CLYBL: variants seen among roughly 807,000 people sequenced by gnomAD.
CLYBL encodes the protein citramalyl-CoA lyase, mitochondrial.
In CLYBL, 31 loss-of-function variants were observed where a neutral mutation model predicts 38.9. That is an observed-to-expected ratio of 0.80 (90% confidence interval 0.60 to 1.08). The LOEUF is 1.08. CLYBL is among the 50% of genes least tolerant of loss of function. The pLI is 0.00. For missense variants in CLYBL, 434 were observed against 411.6 expected (o/e 1.05, Z -0.47); for synonymous variants, 171 against 158.6 (o/e 1.08, Z -0.59).
At chr13:99,801,833 A>G (rs148967582) in intron 2 of CLYBL, among the ~76,000 whole-genome samples, 3 of 152,180 alleles carry the variant, frequency 2.0e-5, no homozygotes, top group African/African-American at 7.2e-5. Context: ...CCTGACCAAC[A>G]TGGAGAAGCC....
chr13:99,751,596 A>C (rs771908113), intron 1 of CLYBL, among the ~76,000 whole-genome samples: 2 of 152,226 alleles, frequency 1.3e-5, no homozygotes, highest in African/African-American at 2.4e-5. Flanking sequence ...ATCTATGTGA[A>C]GTATTTAGAG....
rs757163916 is a variant in CLYBL, at chr13:99,865,033, A to T, written c.634+122A>T. On this transcript the variant is annotated intron_variant, in intron 5 of 8. Transcript: ENST00000339105. The surrounding 1 kb of genome is among the most constrained non-coding windows in gnomAD (Gnocchi z 4.7). Reference sequence around the variant, plus strand: ...ACAATGTATATTTGCCAACCATGACAATGGTTTTTCATGACAATGGAATGG... The same window carrying T: ...ACAATGTATATTTGCCAACCATGACTATGGTTTTTCATGACAATGGAATGG... The T allele has an allele frequency of 1.3e-6, 1 of 768,170 alleles. No homozygotes were observed. Among genetic ancestry groups the T allele is most frequent in the Non-Finnish European group, 2.3e-6 (1 of 430,280 alleles). The allele number at this position is 768,170 out of a possible 1,614,324, so 47.6% of individuals were successfully genotyped here.
At chr13:99,783,046 T>G (rs1168090348) in intron 2 of CLYBL, among the ~76,000 whole-genome samples, 1 of 152,136 alleles carries the variant, frequency 6.6e-6, no homozygotes, top group East Asian at 1.9e-4. Flanking sequence ...TTGGTTTTTG[T>G]TTTGCTTTTT....
In CLYBL at chr13:99,885,744, A is replaced by G. The variant is rs145137591; in HGVS notation, c.928-5574A>G. The stretch of plus-strand genomic sequence containing the variant: ...ACCAAGGGCACACGAGGGCCTTTCT[A>G]AGGACTCTCCAAGTGGGAGAAGTTG... On this transcript the variant is annotated intron_variant, in intron 7 of 8. Transcript: ENST00000339105. Among the ~76,000 whole-genome samples, 198 of 152,264 alleles carry G rather than the reference A, an allele frequency of 1.3e-3. 1 individual carries two copies. Among genetic ancestry groups the G allele is most frequent in the Middle Eastern group, 6.8e-3 (2 of 294 alleles).
At chr13:99,867,246 C>T (rs751943939) in intron 6 of CLYBL, among the ~76,000 whole-genome samples, 2 of 152,088 alleles carry the variant, frequency 1.3e-5, no homozygotes, top group African/African-American at 2.4e-5. Context: ...CAGAAAGGCA[C>T]CCGAATAATT....
intron 2 of CLYBL, among the ~76,000 whole-genome samples, chr13:99,814,536 A>C (rs1180192715): frequency 1.3e-5 from 2 of 152,162 alleles, no homozygotes; most frequent in Non-Finnish European, 2.9e-5. Context: ...CGGCCTGGGC[A>C]ACATGGTGAG....
chr13:99,681,613 G>A (rs1430840050), intron 1 of CLYBL, among the ~76,000 whole-genome samples: 1 of 152,078 alleles, frequency 6.6e-6, no homozygotes, highest in African/African-American at 2.4e-5. Context: ...TTGAGACAGA[G>A]TCTCCCACTG....
chr13:99,675,051 TAAAA>T (rs1320983318), intron 1 of CLYBL, among the ~76,000 whole-genome samples: 1 of 152,022 alleles, frequency 6.6e-6, no homozygotes, highest in Non-Finnish European at 1.5e-5. Context: ...CCCTGTCTCT[TAAAA>T]AAACAAAAAT....
At chr13:99,789,922 T>C (rs117408902) in intron 2 of CLYBL, among the ~76,000 whole-genome samples, 1,742 of 152,348 alleles carry the variant, frequency 0.011, 21 homozygotes, top group East Asian at 0.076. Context: ...TTAGTCTTCT[T>C]ATTAAATTGA....
At chr13:99,740,878 A>G (rs1404845154) in intron 1 of CLYBL, among the ~76,000 whole-genome samples, 2 of 152,158 alleles carry the variant, frequency 1.3e-5, no homozygotes, top group Non-Finnish European at 2.9e-5. Context: ...GCAGCCTGTG[A>G]TGGGCACCGT....
chr13:99,843,020 T>C lies in CLYBL; in HGVS notation c.250-15841T>C, dbSNP rs374018953. ...CCAACCCTTGAGTCAAGCACTATTC[T>C]TATCCCCATCTTTCACATGAGGAAA... On this transcript the variant is annotated intron_variant, in intron 2 of 8. Coordinates refer to ENST00000339105, the MANE Select transcript of CLYBL (RefSeq NM_206808.5). Among the ~76,000 whole-genome samples, 10 of 152,310 alleles carry C rather than the reference T, an allele frequency of 6.6e-5. No individual in the cohort carries two copies. In the South Asian group the frequency reaches 1.9e-3, roughly 28 times the overall value.
intron 2 of CLYBL, among the ~76,000 whole-genome samples, chr13:99,840,147 G>A (rs1183357210): frequency 6.6e-6 from 1 of 151,542 alleles, no homozygotes; most frequent in Admixed American, 6.6e-5. Context: ...ATAGAGACAA[G>A]ACTAACAACC....
intron 1 of CLYBL, among the ~76,000 whole-genome samples, chr13:99,770,575 C>G (rs1182663688): frequency 6.6e-6 from 1 of 152,082 alleles, no homozygotes; most frequent in Non-Finnish European, 1.5e-5. Flanking sequence ...TCTCGGCCTC[C>G]CAAAGTGCTA....
intron 1 of CLYBL, among the ~76,000 whole-genome samples, chr13:99,729,522 G>C (rs1468154513): frequency 6.6e-6 from 1 of 152,162 alleles, no homozygotes; most frequent in Non-Finnish European, 1.5e-5. Context: ...TAGGGGTTTG[G>C]TGGGCTTTAG....
At chr13:99,682,797 C>T (rs2047756264) in intron 1 of CLYBL, among the ~76,000 whole-genome samples, 3 of 151,898 alleles carry the variant, frequency 2.0e-5, no homozygotes, top group Non-Finnish European at 4.4e-5. Flanking sequence ...AGTACAGTGG[C>T]GTGATCTTGG....
intron 7 of CLYBL, among the ~76,000 whole-genome samples, chr13:99,877,111 G>T (rs1280627162): frequency 6.6e-6 from 1 of 152,144 alleles, no homozygotes; most frequent in Non-Finnish European, 1.5e-5. Context: ...AACTCCCAGA[G>T]CAAGCCTGGG....
rs535183637 is a variant in CLYBL, at chr13:99,779,800, C to T, written c.249+6790C>T. Among the ~76,000 whole-genome samples, 8 of 151,996 alleles carry T rather than the reference C, an allele frequency of 5.3e-5. No homozygotes were observed. The East Asian group carries it at 1.5e-3, about 29-fold the overall frequency. On this transcript the variant is annotated intron_variant, in intron 2 of 8. Transcript: ENST00000339105. The stretch of plus-strand genomic sequence containing the variant: ...TTGTTTTTTGTTTTTTTCAATTTAT[C>T]TTTTTGTTGCTGAGCTCTAGCGTAG...
chr13:99,853,043 GA>G (rs909817213), intron 2 of CLYBL, among the ~76,000 whole-genome samples: 2 of 152,072 alleles, frequency 1.3e-5, no homozygotes, highest in Non-Finnish European at 2.9e-5. Flanking sequence ...TATATACAAT[GA>G]AATGCACAAA....
intron 1 of CLYBL, among the ~76,000 whole-genome samples, chr13:99,683,271 A>G: frequency 7.1e-6 from 1 of 141,278 alleles, no homozygotes; most frequent in East Asian, 2.2e-4. Context: ...TAGTAGAGAC[A>G]TGGTTTCACC....
Sources: gnomAD v4.1 joint callset for allele counts (sites outside exome capture counted in the v4.1 genomes callset) on GRCh38, gnomAD v4.1.1 for gene constraint, Gnocchi (gnomAD v3.1) non-coding constraint, MANE v1.5 for transcripts, NCBI Gene and HGNC (gene_info 2026-07-23, HGNC 2026-07-21) for gene names.